The following TRAF3 variants were observed in gnomAD, a reference collection of about 807,000 sequenced individuals.
TRAF3 encodes the protein TNF receptor-associated factor 3.
Under a neutral mutation model 62.3 loss-of-function variants are expected in TRAF3, and 13 were observed. The ratio of observed to expected loss-of-function variants is 0.21; its 90% CI spans 0.14 to 0.33. The LOEUF is 0.33. Among genes scored for constraint, TRAF3 ranks in the 10% least tolerant of loss-of-function variants. The pLI is 1.00. For missense variants in TRAF3, 440 were observed against 741.8 expected, an observed-to-expected ratio of 0.59 and a Z score of 4.73; for synonymous variants, 269 against 283.4, an observed-to-expected ratio of 0.95 and a Z score of 0.51.
chr14:102,880,729 C>T (rs1889002076), intron 6 of TRAF3, among the ~76,000 whole-genome samples: 1 of 152,204 alleles, frequency 6.6e-6, no homozygotes, highest in African/African-American at 2.4e-5. Context: ...CAGTGATAGA[C>T]TGGATAAAGA....
intron 1 of TRAF3, among the ~76,000 whole-genome samples, chr14:102,810,439 A>G (rs1377964142): frequency 6.6e-6 from 1 of 152,184 alleles, no homozygotes; most frequent in Non-Finnish European, 1.5e-5. Flanking sequence ...GAGAATGTCA[A>G]TGTCATAAAT....
chr14:102,848,406 C>T (rs1886844019), intron 2 of TRAF3, among the ~76,000 whole-genome samples: 1 of 152,070 alleles, frequency 6.6e-6, no homozygotes, highest in Admixed American at 6.5e-5. Flanking sequence ...CCCAGGCTGG[C>T]CATAGACCAA....
At chr14:102,874,552 C>A (rs1382672635) in intron 4 of TRAF3, among the ~76,000 whole-genome samples, 1 of 151,906 alleles carries the variant, frequency 6.6e-6, no homozygotes, top group Non-Finnish European at 1.5e-5. Flanking sequence ...AGTCACTGTT[C>A]CCAGTCAACC....
chr14:102,834,019 A>G (rs1885815061), intron 2 of TRAF3, among the ~76,000 whole-genome samples: 1 of 151,994 alleles, frequency 6.6e-6, no homozygotes, highest in Non-Finnish European at 1.5e-5. Context: ...TTGGGCGTGC[A>G]TACTGCCCAA....
chr14:102,866,261 C>A (rs1373597999), intron 2 of TRAF3, among the ~76,000 whole-genome samples: 1 of 152,166 alleles, frequency 6.6e-6, no homozygotes, highest in Admixed American at 6.5e-5. Flanking sequence ...GGGAACATCA[C>A]ACACTGGGGC....
chr14:102,856,128 C>T (rs1887355658), intron 2 of TRAF3, among the ~76,000 whole-genome samples: 1 of 150,322 alleles, frequency 6.7e-6, no homozygotes, highest in Non-Finnish European at 1.5e-5. Flanking sequence ...AAAATTACAG[C>T]CATCCCAGTG....
Position 102,811,913 on chromosome 14 carries a change from C to CCTTTTTTTT in TRAF3, c.-156-18421_-156-18420insCTTTTTTTT, listed in dbSNP as rs1381571409. Among the ~76,000 whole-genome samples, 26 of 47,092 alleles carry CCTTTTTTTT rather than the reference C, an allele frequency of 5.5e-4. 1 individual carries two copies. The highest frequency in any genetic ancestry group is 7.4e-4 in the African/African-American group (9 of 12,226). The allele number at this position is 47,092 out of a possible 152,430, so 30.9% of individuals were successfully genotyped here. A position where few individuals can be genotyped will look rare whatever the true frequency, so the allele number is the denominator to read the frequency against. On this transcript the variant is annotated intron_variant, in intron 1 of 11. Coordinates refer to ENST00000392745, the MANE Select transcript of TRAF3 (RefSeq NM_145725.3). Reference sequence around the variant, plus strand: ...TAGGCTTGTGCCACCATGCCTGGCCCTTTTTTTTTTTTTTTTTTTTTTTTT... The same window carrying CCTTTTTTTT: ...TAGGCTTGTGCCACCATGCCTGGCCCCTTTTTTTTTTTTTTTTTTTTTTTTTTTTTTTTT...
At chr14:102,894,107 G>C (rs369806798) in intron 9 of TRAF3, among the ~76,000 whole-genome samples, 1 of 152,098 alleles carries the variant, frequency 6.6e-6, no homozygotes, top group South Asian at 2.1e-4. Flanking sequence ...CGGGCAGATT[G>C]CCTGAGCTCG....
In TRAF3 at chr14:102,903,596, C is replaced by T. The variant is rs1489444698; in HGVS notation, c.1135+167C>T. The T allele has an allele frequency of 9.8e-7, 1 of 1,025,512 alleles. No individual in the cohort carries two copies. The highest frequency in any genetic ancestry group is 2.0e-5 in the Admixed American group (1 of 50,272). The allele number at this position is 1,025,512 out of a possible 1,614,324, so 63.5% of individuals were successfully genotyped here. A position where few individuals can be genotyped will look rare whatever the true frequency, so the allele number is the denominator to read the frequency against. ...GTGATGACTTTCCTACTGAAAGTCC[C>T]CCAGCAAAGACAAACGTTTCCCGCG... On this transcript the variant is annotated intron_variant, in intron 11 of 11. Coordinates refer to ENST00000392745, the MANE Select transcript of TRAF3 (RefSeq NM_145725.3). This position sits in a 1 kb window ranked among gnomAD's most constrained non-coding sequence, Gnocchi z 6.4.
intron 2 of TRAF3, among the ~76,000 whole-genome samples, chr14:102,830,782 A>G (rs967938863): frequency 6.6e-6 from 1 of 152,190 alleles, no homozygotes; most frequent in Non-Finnish European, 1.5e-5. Flanking sequence ...AGGCTGTGGT[A>G]TTCTGTGTTC....
intron 8 of TRAF3, among the ~76,000 whole-genome samples, chr14:102,889,962 A>T (rs1889617607): frequency 6.6e-6 from 1 of 152,276 alleles, no homozygotes; most frequent in Admixed American, 6.5e-5. Context: ...AAATTTTAGC[A>T]GTTACCTGAA....
chr14:102,821,242 G>A (rs776240383), intron 1 of TRAF3, among the ~76,000 whole-genome samples: 1 of 152,164 alleles, frequency 6.6e-6, no homozygotes, highest in Non-Finnish European at 1.5e-5. Context: ...TTGACTTAAT[G>A]ATTCAAGATT....
rs1377101551 is a variant in TRAF3 at position 102,905,863 on chromosome 14, C to G, written c.*79C>G. 7.5e-7 allele frequency: 1 copy of G among 1,341,862 alleles called. No individual in the cohort carries two copies. Among genetic ancestry groups the G allele is most frequent in the Non-Finnish European group, 1.0e-6 (1 of 967,006 alleles). 83.1% of individuals were successfully genotyped at this position (1,341,862 alleles called of 1,614,324 possible). On this transcript the variant is annotated 3_prime_UTR_variant, in exon 12 of 12. Coordinates refer to ENST00000392745, the MANE Select transcript of TRAF3 (RefSeq NM_145725.3). ...ACCGGTCTGTCTTCACTGAGGTCCTCGCGCTCAGAAAAGGACCTTGTGAGA... is the reference window on the plus strand; with the variant it reads ...ACCGGTCTGTCTTCACTGAGGTCCTGGCGCTCAGAAAAGGACCTTGTGAGA...
intron 1 of TRAF3, among the ~76,000 whole-genome samples, chr14:102,822,604 A>C (rs904444006): frequency 6.6e-6 from 1 of 152,356 alleles, no homozygotes; most frequent in East Asian, 1.9e-4. Flanking sequence ...ATGAGAACAC[A>C]CTGAACTTTT....
chr14:102,865,108 C>T (rs1457665652), intron 2 of TRAF3, among the ~76,000 whole-genome samples: 1 of 152,130 alleles, frequency 6.6e-6, no homozygotes, highest in Non-Finnish European at 1.5e-5. Flanking sequence ...GAAGTGACTG[C>T]TCTTGGTGGC....
intron 1 of TRAF3, among the ~76,000 whole-genome samples, chr14:102,818,832 C>T (rs1230646236): frequency 6.6e-6 from 1 of 152,024 alleles, no homozygotes; most frequent in Admixed American, 6.5e-5. Context: ...GTTTTCATCA[C>T]AAGAAAAGGA....
At chr14:102,851,829 G>A (rs367768197) in intron 2 of TRAF3, among the ~76,000 whole-genome samples, 1 of 151,894 alleles carries the variant, frequency 6.6e-6, no homozygotes. Flanking sequence ...CCAGGAGTTC[G>A]AGACCAGTCT....
intron 2 of TRAF3, among the ~76,000 whole-genome samples, chr14:102,833,999 A>AAG (rs1045366411): frequency 6.7e-6 from 1 of 149,954 alleles, no homozygotes; most frequent in African/African-American, 2.5e-5. Flanking sequence ...GGGGGGAAAA[A>AAG]AAAGAATATT....
intron 9 of TRAF3, among the ~76,000 whole-genome samples, chr14:102,891,663 T>A (rs1889721171): frequency 6.6e-6 from 1 of 152,178 alleles, no homozygotes; most frequent in South Asian, 2.1e-4. Flanking sequence ...TATTTTAGCA[T>A]CCATCCAGCA....
Sources: gnomAD v4.1 joint callset for allele counts (sites outside exome capture counted in the v4.1 genomes callset) on GRCh38, gnomAD v4.1.1 for gene constraint, Gnocchi (gnomAD v3.1) non-coding constraint, MANE v1.5 for transcripts, NCBI Gene and HGNC (gene_info 2026-07-23, HGNC 2026-07-21) for gene names.